ABCB5: variants seen among roughly 807,000 people sequenced by gnomAD.
ABCB5 encodes the protein ATP-binding cassette sub-family B member 5.
In ABCB5, 155 loss-of-function variants were observed where a neutral mutation model predicts 144.2. The ratio of observed to expected loss-of-function variants is 1.08; its 90% confidence interval spans 0.94 to 1.23. ABCB5 has a LOEUF of 1.23. ABCB5 is among the 50% of genes most tolerant of loss of function. The probability of loss-of-function intolerance (pLI) is 0.00; values close to 1 mark genes in which losing one functional copy is unlikely to be tolerated. For missense variants in ABCB5, 1,830 were observed against 1,520.8 expected (o/e 1.20, Z -3.38); for synonymous variants, 610 against 528.6 (o/e 1.15, Z -2.11).
chr7:20,655,837 G>T (rs1168604507), intron 13 of ABCB5, among the ~76,000 whole-genome samples: 1 of 145,070 alleles, frequency 6.9e-6, no homozygotes, highest in Non-Finnish European at 1.5e-5. Context: ...AAATTCAAAA[G>T]ACCAACAATA....
intron 21 of ABCB5, among the ~76,000 whole-genome samples, chr7:20,724,045 A>T (rs1033302509): frequency 1.3e-5 from 2 of 152,166 alleles, no homozygotes; most frequent in Non-Finnish European, 2.9e-5. Context: ...CTGAAGTAGG[A>T]GTCCCTTGCA....
At chr7:20,687,845 A>G (rs550966841) in intron 16 of ABCB5, among the ~76,000 whole-genome samples, 1 of 152,172 alleles carries the variant, frequency 6.6e-6, no homozygotes, top group Non-Finnish European at 1.5e-5. Context: ...TGATCATGCC[A>G]CTGTACCCCA....
chr7:20,749,465 C>T (rs562074729), intron 26 of ABCB5, among the ~76,000 whole-genome samples: 3 of 143,700 alleles, frequency 2.1e-5, no homozygotes, highest in Non-Finnish European at 3.0e-5. Flanking sequence ...CTCAAACTCC[C>T]GGCTTCAAGT....
At chr7:20,714,234 A>C (rs1158145441) in intron 20 of ABCB5, among the ~76,000 whole-genome samples, 1 of 152,034 alleles carries the variant, frequency 6.6e-6, no homozygotes, top group Non-Finnish European at 1.5e-5. Context: ...CCTTCCTTTC[A>C]TAATTTTCTT....
intron 4 of ABCB5, among the ~76,000 whole-genome samples, chr7:20,629,390 C>T (rs1783982908): frequency 6.6e-6 from 1 of 152,144 alleles, no homozygotes; most frequent in Non-Finnish European, 1.5e-5. Context: ...AACTTTTTAT[C>T]AGAAGTGGTG....
At chr7:20,632,536 A>T (rs569054167) in intron 5 of ABCB5, among the ~76,000 whole-genome samples, 8 of 152,160 alleles carry the variant, frequency 5.3e-5, no homozygotes, top group Non-Finnish European at 1.2e-4. Flanking sequence ...ACTATAAATC[A>T]TGCTGCTATA....
At chr7:20,619,534 T>C (rs867894979) in intron 1 of ABCB5, among the ~76,000 whole-genome samples, 3 of 138,022 alleles carry the variant, frequency 2.2e-5, no homozygotes, top group African/African-American at 6.8e-5. Context: ...GGGTTATTTG[T>C]TTTTTTGCTT....
intron 1 of ABCB5, among the ~76,000 whole-genome samples, chr7:20,617,559 T>C (rs1377889432): frequency 6.6e-6 from 1 of 152,220 alleles, no homozygotes; most frequent in African/African-American, 2.4e-5. Flanking sequence ...TTGTGCTAGA[T>C]ACTATATAGT....
At chr7:20,744,165 T>C (rs1001278879) in intron 25 of ABCB5, among the ~76,000 whole-genome samples, 2 of 152,050 alleles carry the variant, frequency 1.3e-5, no homozygotes, top group Non-Finnish European at 2.9e-5. Flanking sequence ...CTAGGGTTCA[T>C]GCGATTCTCA....
chr7:20,632,118 G>A lies in ABCB5; in HGVS notation c.314+5G>A. Reference sequence around the variant, plus strand: ...GCTGAATGAAGATATGACTCTGTAAGTCCAAATGAAACGTTAATATCACAT... The same window carrying A: ...GCTGAATGAAGATATGACTCTGTAAATCCAAATGAAACGTTAATATCACAT... On this transcript the variant is annotated splice_donor_5th_base_variant and intron_variant, in intron 5 of 27. Transcript: ENST00000404938. The A allele has an allele frequency of 2.7e-6, 4 of 1,503,220 alleles. No homozygotes were observed. Among genetic ancestry groups the A allele is most frequent in the Non-Finnish European group, 1.8e-6 (2 of 1,121,856 alleles). The allele number at this position is 1,503,220 out of a possible 1,614,324, so 93.1% of individuals were successfully genotyped here.
At chr7:20,682,388 G>A (rs989734025) in intron 15 of ABCB5, among the ~76,000 whole-genome samples, 1 of 152,108 alleles carries the variant, frequency 6.6e-6, no homozygotes, top group Admixed American at 6.5e-5. Flanking sequence ...AGATTGATGG[G>A]GAGAGACAGA....
chr7:20,691,166 G>A (rs1363057635), intron 16 of ABCB5, among the ~76,000 whole-genome samples: 2 of 116,708 alleles, frequency 1.7e-5, no homozygotes, highest in Non-Finnish European at 3.4e-5. Flanking sequence ...AAACCCAGTG[G>A]ACTTTTTTTT....
intron 24 of ABCB5, among the ~76,000 whole-genome samples, chr7:20,742,581 A>T (rs1169269829): frequency 6.6e-6 from 1 of 152,202 alleles, no homozygotes; most frequent in Non-Finnish European, 1.5e-5. Context: ...AAGCTGGTCA[A>T]ACAACCAACT....
At chr7:20,663,554 A>G (rs1737641282) in intron 14 of ABCB5, among the ~76,000 whole-genome samples, 1 of 152,170 alleles carries the variant, frequency 6.6e-6, no homozygotes, top group Admixed American at 6.5e-5. Flanking sequence ...AGAGATGGAA[A>G]GTAGAAGAGC....
chr7:20,743,964 C>A (rs115142202), intron 25 of ABCB5, among the ~76,000 whole-genome samples: 1,605 of 152,286 alleles, frequency 0.011, 35 homozygotes, highest in African/African-American at 0.037. Context: ...GTCCTTCATG[C>A]CCTGGCCCCT....
rs1242291728 is a variant in ABCB5 at position 20,710,381 on chromosome 7, A to AAAAG, written c.2421+5574_2421+5575insAAAG. Among the ~76,000 whole-genome samples, 30 of 56,728 alleles carry AAAAG rather than the reference A, an allele frequency of 5.3e-4. 1 individual carries two copies. Among genetic ancestry groups the AAAAG allele is most frequent in the East Asian group, 1.6e-3 (2 of 1,258 alleles). The allele number at this position is 56,728 out of a possible 152,430, so 37.2% of individuals were successfully genotyped here. On this transcript the variant is annotated intron_variant, in intron 20 of 27. Coordinates refer to ENST00000404938, the MANE Select transcript of ABCB5 (RefSeq NM_001163941.2). ...AAACTCCACCTCAAAAAAAAAAAAA[A>AAAAG]GTGGGGGGGGGGCATGACTGTGTTT...
chr7:20,671,306 CTT>C (rs1785453308), intron 14 of ABCB5, among the ~76,000 whole-genome samples: 2 of 152,082 alleles, frequency 1.3e-5, no homozygotes, highest in Admixed American at 1.3e-4. Context: ...TTTTATTTGA[CTT>C]TGATTTTTGT....
At chr7:20,714,621 G>C (rs1781610829) in intron 20 of ABCB5, among the ~76,000 whole-genome samples, 1 of 152,104 alleles carries the variant, frequency 6.6e-6, no homozygotes, top group Middle Eastern at 3.4e-3. Context: ...CTTGTTCTCG[G>C]TCGCACTGAC....
Position 20,724,612 on chromosome 7 carries a change from G to A in ABCB5, c.2625+1393G>A, listed in dbSNP as rs554302698. Among the ~76,000 whole-genome samples the A allele has an allele frequency of 1.4e-4, 17 of 123,618 alleles. No homozygotes were observed. The East Asian group carries it at 3.8e-3, about 28-fold the overall frequency. 81.1% of individuals were successfully genotyped at this position (123,618 alleles called of 152,430 possible). A position where few individuals can be genotyped will look rare whatever the true frequency, so the allele number is the denominator to read the frequency against. ...CCACTGCACTCCAACTTGGGCGACA[G>A]AGCACAGCTCTGTCTCAAAAAAAAA... On this transcript the variant is annotated intron_variant, in intron 21 of 27. Coordinates refer to ENST00000404938, the MANE Select transcript of ABCB5 (RefSeq NM_001163941.2).
Sources: gnomAD v4.1 joint callset for allele counts (sites outside exome capture counted in the v4.1 genomes callset) on GRCh38, gnomAD v4.1.1 for gene constraint, MANE v1.5 for transcripts, NCBI Gene and HGNC (gene_info 2026-07-23, HGNC 2026-07-21) for gene names.